SMYD3: variants seen among roughly 807,000 people sequenced by gnomAD.
The protein encoded by SMYD3 is SET and MYND domain containing 3.
In SMYD3, 36 loss-of-function variants were observed where a neutral mutation model predicts 57.7. The ratio of observed to expected loss-of-function variants is 0.62; its 90% confidence interval spans 0.48 to 0.82. SMYD3 has a LOEUF of 0.82. Ranked by LOEUF, SMYD3 falls within the 40% of genes least tolerant of loss-of-function variation. The pLI is 0.00. For synonymous variants in SMYD3, 211 were observed against 195.0 expected, an observed-to-expected ratio of 1.08 and a Z score of -0.68; for missense variants, 515 against 538.8, an observed-to-expected ratio of 0.96 and a Z score of 0.44.
intron 5 of SMYD3, among the ~76,000 whole-genome samples, chr1:246,294,605 CT>C (rs34272512): frequency 2.2e-4 from 33 of 148,220 alleles, no homozygotes; most frequent in Non-Finnish European, 2.4e-4. Flanking sequence ...ATTAAGCTTC[CT>C]TTTTTTTTTT....
At chr1:246,499,850 C>T (rs1038030125) in intron 1 of SMYD3, among the ~76,000 whole-genome samples, 1 of 151,550 alleles carries the variant, frequency 6.6e-6, no homozygotes, top group Non-Finnish European at 1.5e-5. Context: ...AAAACATCAT[C>T]AGCACTCTCA....
At position 245,749,643 on chromosome 1, in the gene SMYD3, T is replaced by A. The variant is rs2045250865; in HGVS notation, c.1207A>T (p.Thr403Ser). 3 of 1,614,052 alleles carry A rather than the reference T, an allele frequency of 1.9e-6. No homozygotes were observed. Among genetic ancestry groups the A allele is most frequent in the Non-Finnish European group, 2.5e-6 (3 of 1,179,934 alleles). ...ATCAGGCTGTGTTCTCTGCCATGTGTCACTCTCATAATATCAAAAGCCTAA... is the reference window on the plus strand; with the variant it reads ...ATCAGGCTGTGTTCTCTGCCATGTGACACTCTCATAATATCAAAAGCCTAA... Reference protein sequence around the residue: ...LRLAFDIMRVTHGREHSLIED... With the variant: ...LRLAFDIMRVSHGREHSLIED... Residue 403 changes from threonine to serine, a missense_variant, in exon 12 of 12, where the codon ACA (threonine) becomes TCA (serine). Transcript: ENST00000490107.
At chr1:246,500,212 G>A (rs892437454) in intron 1 of SMYD3, among the ~76,000 whole-genome samples, 3 of 152,122 alleles carry the variant, frequency 2.0e-5, no homozygotes, top group African/African-American at 2.4e-5. Flanking sequence ...GTCACTGCCC[G>A]CACCCTAGCT....
chr1:246,107,387 T>C (rs1309624035), intron 5 of SMYD3, among the ~76,000 whole-genome samples: 2 of 152,126 alleles, frequency 1.3e-5, no homozygotes, highest in African/African-American at 4.8e-5. Context: ...TCATCACAGA[T>C]TGCTCTTTAA....
chr1:246,046,441 C>T (rs566829075), intron 5 of SMYD3, among the ~76,000 whole-genome samples: 22 of 151,820 alleles, frequency 1.4e-4, no homozygotes, highest in Non-Finnish European at 2.6e-4. Context: ...CACTTGGACA[C>T]AGGAAGGGGA....
chr1:246,232,109 C>T (rs181078522), intron 5 of SMYD3, among the ~76,000 whole-genome samples: 124 of 151,988 alleles, frequency 8.2e-4, no homozygotes, highest in African/African-American at 2.8e-3. Context: ...CATTGAGATT[C>T]GGGAATAATT....
intron 5 of SMYD3, among the ~76,000 whole-genome samples, chr1:246,262,697 T>C (rs1378690945): frequency 6.6e-6 from 1 of 152,128 alleles, no homozygotes; most frequent in Non-Finnish European, 1.5e-5. Context: ...CTAGGTCATA[T>C]TAGGTTCTCA....
intron 5 of SMYD3, among the ~76,000 whole-genome samples, chr1:246,228,712 G>C (rs1177019734): frequency 6.6e-6 from 1 of 152,068 alleles, no homozygotes; most frequent in Non-Finnish European, 1.5e-5. Flanking sequence ...ATTCCTTTCT[G>C]TATAAGTTTC....
chr1:246,442,407 G>A (rs1165324066), intron 1 of SMYD3, among the ~76,000 whole-genome samples: 1 of 152,024 alleles, frequency 6.6e-6, no homozygotes, highest in Admixed American at 6.6e-5. Context: ...AAATCAGCTG[G>A]GCGTGGTGAC....
chr1:246,188,718 T>C (rs1572180931), intron 5 of SMYD3, among the ~76,000 whole-genome samples: 1 of 151,976 alleles, frequency 6.6e-6, no homozygotes, highest in Admixed American at 6.6e-5. Context: ...CCCAACACTT[T>C]GGGGGGCCAA....
intron 5 of SMYD3, among the ~76,000 whole-genome samples, chr1:246,182,810 A>G (rs1428588045): frequency 6.6e-6 from 1 of 152,070 alleles, no homozygotes; most frequent in Non-Finnish European, 1.5e-5. Flanking sequence ...CTCCCCAGAC[A>G]CTCATTCCTA....
intron 10 of SMYD3, among the ~76,000 whole-genome samples, chr1:245,796,613 A>C (rs1009375633): frequency 6.6e-6 from 1 of 152,204 alleles, no homozygotes; most frequent in Non-Finnish European, 1.5e-5. Flanking sequence ...TGGAAATGTG[A>C]GTATCAGCTC....
intron 5 of SMYD3, among the ~76,000 whole-genome samples, chr1:246,302,397 G>C (rs532601497): frequency 6.6e-6 from 1 of 152,194 alleles, no homozygotes; most frequent in South Asian, 2.1e-4. Flanking sequence ...TTCAATGTGG[G>C]CTGGATTTTT....
At chr1:246,111,710 C>A (rs1452162367) in intron 5 of SMYD3, among the ~76,000 whole-genome samples, 1 of 152,198 alleles carries the variant, frequency 6.6e-6, no homozygotes, top group Non-Finnish European at 1.5e-5. Context: ...CGTCCCACAG[C>A]AGTCTGCTAG....
chr1:245,874,113 A>G (rs1227723854), intron 8 of SMYD3, among the ~76,000 whole-genome samples: 1 of 152,152 alleles, frequency 6.6e-6, no homozygotes, highest in Non-Finnish European at 1.5e-5. Flanking sequence ...TCCCTCCTTC[A>G]TTCTATTTTA....
chr1:246,302,997 A>C (rs140343243), intron 5 of SMYD3, among the ~76,000 whole-genome samples: 60 of 152,330 alleles, frequency 3.9e-4, no homozygotes, highest in African/African-American at 1.3e-3. Flanking sequence ...ATATGACAAG[A>C]GAAAGAAGAG....
intron 5 of SMYD3, among the ~76,000 whole-genome samples, chr1:246,223,492 T>C (rs1157382385): frequency 6.6e-6 from 1 of 152,164 alleles, no homozygotes; most frequent in Non-Finnish European, 1.5e-5. Flanking sequence ...TTCTTGTTCC[T>C]GGACCTCTTG....
intron 5 of SMYD3, among the ~76,000 whole-genome samples, chr1:245,966,886 C>A (rs972987222): frequency 6.6e-6 from 1 of 152,246 alleles, no homozygotes; most frequent in East Asian, 1.9e-4. Context: ...ACCTATCCCC[C>A]CTCAGGACCT....
chr1:245,924,700 T>C (rs532679791), intron 7 of SMYD3, among the ~76,000 whole-genome samples: 36 of 138,120 alleles, frequency 2.6e-4, no homozygotes, highest in Non-Finnish European at 5.0e-4. Context: ...TTTCACTCTG[T>C]CGCCCAGGCT....
Sources: allele counts gnomAD v4.1 joint callset (sites outside exome capture counted in the v4.1 genomes callset), GRCh38; gene constraint gnomAD v4.1.1; transcripts MANE v1.5; gene names NCBI Gene and HGNC (gene_info 2026-07-23, HGNC 2026-07-21).